BDNF: variants seen among roughly 807,000 people sequenced by gnomAD.
The protein encoded by BDNF is neurotrophic factor BDNF precursor form.
In BDNF, 1 loss-of-function variant was observed where a neutral mutation model predicts 19.5. That is an observed-to-expected ratio of 0.05 (90% CI 0.02 to 0.24). The LOEUF is 0.24. BDNF is among the 10% of genes least tolerant of loss of function. The pLI, the probability that BDNF is intolerant of heterozygous loss-of-function variation, is 1.00. For missense variants in BDNF, 195 were observed against 317.6 expected (o/e 0.61, Z 2.93); for synonymous variants, 100 against 121.6 (o/e 0.82, Z 1.17).
At chr11:27,678,677 CAGAT>C (rs1856488559) in intron 1 of BDNF, among the ~76,000 whole-genome samples, 1 of 152,214 alleles carries the variant, frequency 6.6e-6, no homozygotes, top group African/African-American at 2.4e-5. Context: ...CTGTCATACA[CAGAT>C]AGGCCTCCAA....
chr11:27,712,412 T>C (rs1429736070), intron 1 of BDNF, among the ~76,000 whole-genome samples: 4 of 152,262 alleles, frequency 2.6e-5, no homozygotes, highest in African/African-American at 9.6e-5. Context: ...TTAAAAAGCA[T>C]ATATATTACT....
chr11:27,669,158 C>A (rs1564954824), intron 1 of BDNF, among the ~76,000 whole-genome samples: 4 of 151,158 alleles, frequency 2.6e-5, no homozygotes, highest in African/African-American at 7.3e-5. Context: ...AAGACAAAAA[C>A]CATGATTATC....
rs78840517 is a variant in BDNF, at chr11:27,710,139, C to G, written c.3+11273G>C. 4.7e-3 allele frequency among the ~76,000 whole-genome samples: 713 copies of G among 152,264 alleles called. 8 individuals carry two copies. Among genetic ancestry groups the G allele is most frequent in the African/African-American group, 0.016 (674 of 41,564 alleles). On this transcript the variant is annotated intron_variant, in intron 1 of 1. Coordinates refer to the BDNF transcript ENST00000314915. The stretch of plus-strand genomic sequence containing the variant: ...GGACGTATCAAATCCATTATGTGTT[C>G]ATGGGGTCCTTCCCTGAATAAATCA...
chr11:27,701,200 C>A (rs530109988), upstream of BDNF: 451 of 1,184,948 alleles, frequency 3.8e-4, 1 homozygote, highest in African/African-American at 6.6e-3. Context: ...CTTGTTCCAG[C>A]CAGGAAGCCC....
At chr11:27,705,483 A>T (rs573017244) in intron 1 of BDNF, among the ~76,000 whole-genome samples, 3 of 152,216 alleles carry the variant, frequency 2.0e-5, no homozygotes, top group African/African-American at 7.2e-5. Flanking sequence ...AATATGCAAA[A>T]ATAATTTAGA....
At chr11:27,704,594 A>G (rs1231436118), upstream of BDNF, among the ~76,000 whole-genome samples, 1 of 152,200 alleles carries the variant, frequency 6.6e-6, no homozygotes, top group Non-Finnish European at 1.5e-5. Flanking sequence ...GTTGGCCTAA[A>G]AAAACTGTTG....
intron 1 of BDNF, among the ~76,000 whole-genome samples, chr11:27,679,504 A>G (rs915419275): frequency 6.6e-6 from 1 of 152,220 alleles, no homozygotes; most frequent in African/African-American, 2.4e-5. Flanking sequence ...AGTGGGAATA[A>G]TTAACTTGGT....
At chr11:27,695,331 A>G (rs984553966) in intron 1 of BDNF, among the ~76,000 whole-genome samples, 4 of 152,208 alleles carry the variant, frequency 2.6e-5, no homozygotes, top group Admixed American at 2.6e-4. Flanking sequence ...GTTGCCTTCT[A>G]GGTTTTATTT....
Position 27,658,885 on chromosome 11 carries a change from T to C in BDNF, c.-21-300A>G, listed in dbSNP as rs1852938837. 5 of 1,263,146 alleles carry C rather than the reference T, an allele frequency of 4.0e-6. No individual in the cohort carries two copies. The African/African-American group carries it at 6.1e-5, about 15-fold the overall frequency. The allele number at this position is 1,263,146 out of a possible 1,614,324, so 78.2% of individuals were successfully genotyped here. On this transcript the variant is annotated intron_variant, in intron 1 of 1. Coordinates refer to ENST00000356660, the MANE Select transcript of BDNF (RefSeq NM_001709.5). The surrounding 1 kb of genome is among the most constrained non-coding windows in gnomAD (Gnocchi z 5.7). The stretch of plus-strand genomic sequence containing the variant: ...CTTCAAGTTCTCCTTCTTCCCACTT[T>C]AGCAGCTTTGTAAGTTTAATTTTTA...
At chr11:27,713,497 TA>T (rs1210381796) in intron 1 of BDNF, among the ~76,000 whole-genome samples, 2 of 152,318 alleles carry the variant, frequency 1.3e-5, no homozygotes, top group Non-Finnish European at 2.9e-5. Flanking sequence ...TGCAATCACC[TA>T]ATTTGTGTAT....
chr11:27,705,635 C>T (rs962227700), intron 1 of BDNF, among the ~76,000 whole-genome samples: 2 of 152,214 alleles, frequency 1.3e-5, no homozygotes, highest in African/African-American at 4.8e-5. Flanking sequence ...GGATGTGCAA[C>T]TGGCCCTCTT....
At chr11:27,700,979 A>G, upstream of BDNF, 1 of 1,360,930 alleles carries the variant, frequency 7.3e-7, no homozygotes, top group South Asian at 1.2e-5. Context: ...ACCTTCCCGC[A>G]CCTTCCTGCA....
rs777296944 is a variant in BDNF, at chr11:27,674,060, C to T, written c.-21-15475G>A. 6 of 1,601,630 alleles carry T rather than the reference C, an allele frequency of 3.7e-6. No individual in the cohort carries two copies. The African/African-American group carries it at 4.0e-5, about 11-fold the overall frequency. ...AGGCTATTAGCTCTCTGTTACTCAC[C>T]TTTATGAAACCATTTTCAGGGATCA... On this transcript the variant is annotated intron_variant, in intron 1 of 1. Coordinates refer to ENST00000356660, the MANE Select transcript of BDNF (RefSeq NM_001709.5).
At chr11:27,659,229 G>A in intron 1 of BDNF, 1 of 992,390 alleles carries the variant, frequency 1.0e-6, no homozygotes, top group Non-Finnish European at 1.2e-6. Flanking sequence ...TGTTTTACAG[G>A]TAAGGAAACC....
intron 1 of BDNF, among the ~76,000 whole-genome samples, chr11:27,718,737 A>G (rs1226033023): frequency 6.6e-6 from 1 of 151,764 alleles, no homozygotes; most frequent in African/African-American, 2.4e-5. Context: ...CCTGTTTTTT[A>G]TCTTTTCCTT....
chr11:27,662,988 T>C (rs1029470151), intron 1 of BDNF, among the ~76,000 whole-genome samples: 2 of 152,214 alleles, frequency 1.3e-5, no homozygotes, highest in Admixed American at 6.5e-5. Flanking sequence ...TGTCCTACAA[T>C]TTCCTGTGTA....
At chr11:27,715,104 T>C (rs1860464650) in intron 1 of BDNF, among the ~76,000 whole-genome samples, 1 of 152,124 alleles carries the variant, frequency 6.6e-6, no homozygotes, top group Non-Finnish European at 1.5e-5. Context: ...TAATGGCAAA[T>C]TATGTGTTGC....
At chr11:27,676,576 A>G (rs1856144204) in intron 1 of BDNF, among the ~76,000 whole-genome samples, 1 of 152,206 alleles carries the variant, frequency 6.6e-6, no homozygotes, top group South Asian at 2.1e-4. Flanking sequence ...ATGATCCCCT[A>G]TTTGCCTAAT....
At chr11:27,704,981 G>A (rs1452518154), upstream of BDNF, among the ~76,000 whole-genome samples, 1 of 152,192 alleles carries the variant, frequency 6.6e-6, no homozygotes, top group Non-Finnish European at 1.5e-5. Flanking sequence ...GAAGGGCCAA[G>A]ACTAGGAGAG....
Sources: allele counts gnomAD v4.1 joint callset (sites outside exome capture counted in the v4.1 genomes callset), GRCh38; gene constraint gnomAD v4.1.1; non-coding constraint Gnocchi (gnomAD v3.1); transcripts MANE v1.5; gene names NCBI Gene and HGNC (gene_info 2026-07-23, HGNC 2026-07-21).